Variants in CHRM5 observed in about 807,000 individuals in gnomAD.
The protein encoded by CHRM5 is muscarinic acetylcholine receptor M5.
A neutral mutation model predicts 39.0 loss-of-function variants in CHRM5; 18 were observed. The ratio of observed to expected loss-of-function variants is 0.46; its 90% CI spans 0.32 to 0.68. The LOEUF is 0.68. Among genes scored for constraint, CHRM5 ranks in the 30% least tolerant of loss-of-function variants. The pLI is 0.04. For missense variants in CHRM5, 515 were observed against 651.1 expected (o/e 0.79, Z 2.28); for synonymous variants, 241 against 246.3 (o/e 0.98, Z 0.20).
chr15:33,969,624 C>T (rs1895541656), intron 1 of CHRM5, among the ~76,000 whole-genome samples: 1 of 151,908 alleles, frequency 6.6e-6, no homozygotes, highest in South Asian at 2.1e-4. Context: ...GAAAAAAAAG[C>T]TGTGATGTCA....
intron 1 of CHRM5, chr15:33,992,123 A>T (rs1203283109): frequency 6.6e-6 from 1 of 152,290 alleles, no homozygotes; most frequent in Non-Finnish European, 1.5e-5. Flanking sequence ...GCGATGGTTC[A>T]CGCCTGTAAT....
chr15:34,062,608 G>C, intron 2 of CHRM5, 35 bp from the exon 3 acceptor site: 1 of 895,290 alleles, frequency 1.1e-6, no homozygotes, highest in South Asian at 1.7e-5. Context: ...AAATCATGCT[G>C]GTGTGCGAAG....
intron 1 of CHRM5, among the ~76,000 whole-genome samples, chr15:33,981,632 T>C (rs1409479021): frequency 6.6e-6 from 1 of 152,100 alleles, no homozygotes; most frequent in Non-Finnish European, 1.5e-5. Flanking sequence ...TAAAGAATAG[T>C]CATGGGTTTT....
intron 2 of CHRM5, among the ~76,000 whole-genome samples, chr15:34,049,087 C>T (rs2140822216): frequency 6.6e-6 from 1 of 152,276 alleles, no homozygotes; most frequent in South Asian, 2.1e-4. Context: ...GATAAGCCCA[C>T]AAAGATGAGA....
At chr15:34,025,665 T>G (rs766751422) in intron 1 of CHRM5, among the ~76,000 whole-genome samples, 65 of 152,084 alleles carry the variant, frequency 4.3e-4, no homozygotes, top group Admixed American at 9.8e-4. Flanking sequence ...CACATTGAAG[T>G]GTTTAGGGGT....
intron 1 of CHRM5, among the ~76,000 whole-genome samples, chr15:34,006,016 C>T (rs1479982809): frequency 6.6e-6 from 1 of 152,048 alleles, no homozygotes; most frequent in Non-Finnish European, 1.5e-5. Context: ...GAACATTCTA[C>T]AGAAAATAGC....
At chr15:33,976,040 T>C (rs1895872673) in intron 1 of CHRM5, among the ~76,000 whole-genome samples, 1 of 152,190 alleles carries the variant, frequency 6.6e-6, no homozygotes, top group African/African-American at 2.4e-5. Context: ...GTTTCCAGGT[T>C]TGTGAACTCT....
chr15:34,014,133 T>C (rs112314715), intron 1 of CHRM5, among the ~76,000 whole-genome samples: 11 of 152,016 alleles, frequency 7.2e-5, no homozygotes, highest in Non-Finnish European at 1.2e-4. Flanking sequence ...GAGGCCAACA[T>C]GGGCGGATCA....
chr15:34,031,119 GTT>G (rs57568607), intron 1 of CHRM5, among the ~76,000 whole-genome samples: 27,844 of 147,256 alleles, frequency 0.19, 4,554 homozygotes, highest in African/African-American at 0.44. Flanking sequence ...ATACATATGA[GTT>G]TTTTTTTGTA....
rs375040191 is a variant in CHRM5 at position 34,020,495 on chromosome 15, G to A, written c.-407-26045G>A. 1.5e-3 allele frequency among the ~76,000 whole-genome samples: 234 copies of A among 152,194 alleles called. 4 individuals carry two copies. Among genetic ancestry groups the A allele is most frequent in the Non-Finnish European group, 2.2e-3 (149 of 67,988 alleles). On this transcript the variant is annotated intron_variant, in intron 1 of 2. Transcript: ENST00000383263. ...TAGATCATCTGGTTTAAGCCTCTAA[G>A]CACCTATCCTTGTTAACTAAAGGGT...
rs1900254823 is a variant in CHRM5, at chr15:34,059,145, C to A, written c.-75-3498C>A. On this transcript the variant is annotated intron_variant, in intron 2 of 2. Transcript: ENST00000383263. The stretch of plus-strand genomic sequence containing the variant: ...TTCCTGACCTCAGGCTATCCACCCG[C>A]CTCGGCCTCCCAAAGTGCTGGGATT... Among the ~76,000 whole-genome samples the A allele has an allele frequency of 2.0e-5, 3 of 152,136 alleles. No homozygotes were observed. The South Asian group carries it at 6.2e-4, about 32-fold the overall frequency.
At chr15:34,019,478 T>C (rs1898109796) in intron 1 of CHRM5, among the ~76,000 whole-genome samples, 1 of 152,134 alleles carries the variant, frequency 6.6e-6, no homozygotes, top group Non-Finnish European at 1.5e-5. Flanking sequence ...GTGTACAGTG[T>C]TTATAAAGTC....
intron 1 of CHRM5, among the ~76,000 whole-genome samples, chr15:34,014,165 C>G (rs1353774003): frequency 3.3e-5 from 5 of 152,002 alleles, no homozygotes; most frequent in Non-Finnish European, 7.4e-5. Context: ...GAATTTGAGA[C>G]CAGCCTGGCC....
chr15:34,032,284 C>T (rs763499660), intron 1 of CHRM5, among the ~76,000 whole-genome samples: 6 of 152,114 alleles, frequency 3.9e-5, no homozygotes, highest in Admixed American at 2.0e-4. Context: ...AAATGACCTA[C>T]GTAACCTCTC....
chr15:34,048,725 G>A (rs1457757983), intron 2 of CHRM5, among the ~76,000 whole-genome samples: 1 of 152,206 alleles, frequency 6.6e-6, no homozygotes, highest in East Asian at 1.9e-4. Flanking sequence ...CTTTAAGTGG[G>A]TCCCTGATCC....
intron 1 of CHRM5, among the ~76,000 whole-genome samples, chr15:33,977,518 G>A (rs1895939012): frequency 6.6e-6 from 1 of 152,132 alleles, no homozygotes; most frequent in South Asian, 2.1e-4. Context: ...TCAGGGTGTT[G>A]TATCCCAGCC....
intron 1 of CHRM5, chr15:34,038,725 G>A: frequency 2.7e-6 from 3 of 1,128,854 alleles, no homozygotes; most frequent in Non-Finnish European, 3.3e-6. Flanking sequence ...GGCGGCCTCG[G>A]CCCCACTTGC....
At chr15:34,045,292 G>A (rs1016146260) in intron 1 of CHRM5, among the ~76,000 whole-genome samples, 4 of 152,054 alleles carry the variant, frequency 2.6e-5, no homozygotes, top group African/African-American at 4.8e-5. Flanking sequence ...ATCCTGCTCT[G>A]GATATTATTG....
intron 1 of CHRM5, among the ~76,000 whole-genome samples, chr15:33,987,248 A>G (rs1489210544): frequency 1.3e-5 from 2 of 152,184 alleles, no homozygotes; most frequent in Non-Finnish European, 2.9e-5. Context: ...TATGTGCTTT[A>G]TTCTTTTGCA....
Sources: allele counts gnomAD v4.1 joint callset (sites outside exome capture counted in the v4.1 genomes callset), GRCh38; gene constraint gnomAD v4.1.1; transcripts MANE v1.5; gene names NCBI Gene and HGNC (gene_info 2026-07-23, HGNC 2026-07-21).